Variants in PIK3CD observed in about 807,000 individuals in gnomAD.
PIK3CD encodes phosphatidylinositol-4,5-bisphosphate 3-kinase catalytic subunit delta, also known as phosphatidylinositol 4,5-bisphosphate 3-kinase catalytic subunit delta isoform.
PIK3CD carries 20 observed loss-of-function variants against 122.9 expected under a neutral mutation model. That is an observed-to-expected ratio of 0.16 (90% CI 0.11 to 0.24). PIK3CD has a LOEUF of 0.24. Among genes scored for constraint, PIK3CD ranks in the 10% least tolerant of loss-of-function variants. PIK3CD has a pLI of 1.00. For missense variants in PIK3CD, 787 were observed against 1,406.3 expected, an observed-to-expected ratio of 0.56 and a Z score of 7.04; for synonymous variants, 596 against 593.4, an observed-to-expected ratio of 1.00 and a Z score of -0.06.
rs1177656478 is a variant in PIK3CD at position 9,717,327 on chromosome 1, C to T, written c.931-210C>T. 7.2e-5 allele frequency among the ~76,000 whole-genome samples: 11 copies of T among 152,184 alleles called. No homozygotes were observed. The highest frequency in any genetic ancestry group is 1.0e-4 in the Non-Finnish European group (7 of 68,016). Reference sequence around the variant, plus strand: ...CATGCCTGGCTCACCGGCTGCCCTTCCCCTCTGCAGAGCTCAGGGGTGTTG... The same window carrying T: ...CATGCCTGGCTCACCGGCTGCCCTTTCCCTCTGCAGAGCTCAGGGGTGTTG... On this transcript the variant is annotated intron_variant, in intron 7 of 23. Coordinates refer to ENST00000377346, the MANE Select transcript of PIK3CD (RefSeq NM_005026.5). This position sits in a 1 kb window ranked among gnomAD's most constrained non-coding sequence, Gnocchi z 5.4.
At chr1:9,687,812 ATG>A (rs1646028936) in intron 1 of PIK3CD, among the ~76,000 whole-genome samples, 1 of 152,112 alleles carries the variant, frequency 6.6e-6, no homozygotes, top group Non-Finnish European at 1.5e-5. Context: ...TTTTGAGTGA[ATG>A]TCTGTGTGTG....
At chr1:9,726,170 G>A (rs1036397479) in intron 23 of PIK3CD, among the ~76,000 whole-genome samples, 7 of 152,026 alleles carry the variant, frequency 4.6e-5, no homozygotes, top group Admixed American at 1.3e-4. Context: ...CCTAGATCGC[G>A]CCACTGCACT....
chr1:9,667,605 T>C (rs1645198280), intron 1 of PIK3CD, among the ~76,000 whole-genome samples: 1 of 151,886 alleles, frequency 6.6e-6, no homozygotes, highest in Non-Finnish European at 1.5e-5. Flanking sequence ...CTCCATCTCC[T>C]GAACTCGTGA....
intron 23 of PIK3CD, among the ~76,000 whole-genome samples, chr1:9,725,744 G>T (rs1354290224): frequency 6.6e-6 from 1 of 151,452 alleles, no homozygotes; most frequent in Admixed American, 6.6e-5. Context: ...AGGTGTGGTG[G>T]CACGCACCTG....
intron 2 of PIK3CD, among the ~76,000 whole-genome samples, chr1:9,695,853 A>AAAAGAAAAG (rs1646395549): frequency 6.7e-6 from 1 of 150,248 alleles, no homozygotes; most frequent in African/African-American, 2.5e-5. Context: ...CAAAAAAAAA[A>AAAAGAAAAG]AAAAGAAAAG....
chr1:9,721,200 C>G lies in PIK3CD; in HGVS notation c.1763C>G (p.Pro588Arg). 6.2e-7 allele frequency: 1 copy of G among 1,613,496 alleles called. No homozygotes were observed. Among genetic ancestry groups the G allele is most frequent in the Non-Finnish European group, 8.5e-7 (1 of 1,179,992 alleles). ...SALELLDFSF[P>R]DCHVGSFAIK... is the part of the protein sequence containing the mutation. The stretch of plus-strand genomic sequence containing the variant: ...CTGGAGCTGCTAGACTTCAGCTTCC[C>G]CGATTGCCACGTAGGCTCCTTCGCC... The change falls in exon 14 of 24, where the codon CCC (proline) becomes CGC (arginine). Residue 588 changes from proline to arginine, a missense_variant. By Grantham distance (103) the Pro-to-Arg change is moderately radical. Transcript: ENST00000377346.
In PIK3CD at chr1:9,655,447, C is replaced by A. The variant is rs1285332112; in HGVS notation, c.-138+3645C>A. 2.0e-4 allele frequency among the ~76,000 whole-genome samples: 8 copies of A among 39,208 alleles called. No homozygotes were observed. In the East Asian group the frequency reaches 0.039, roughly 191 times the overall value. The allele number at this position is 39,208 out of a possible 152,430, so 25.7% of individuals were successfully genotyped here. On this transcript the variant is annotated intron_variant, in intron 1 of 23. Coordinates refer to ENST00000377346, the MANE Select transcript of PIK3CD (RefSeq NM_005026.5). ...AAATAAAAAACCCAGGAACCCCCCG[C>A]CCCCCCCCCTTTTTTATTGCAGCTA... is the stretch of plus-strand genomic sequence containing the variant.
At position 9,723,096 on chromosome 1, in the gene PIK3CD, T is replaced by C; in HGVS notation, c.2427-29T>C. 1.2e-6 allele frequency: 2 copies of C among 1,611,668 alleles called. No individual in the cohort carries two copies. Among genetic ancestry groups the C allele is most frequent in the Admixed American group, 3.3e-5 (2 of 60,016 alleles). ...TCAGGGACAGCCCTTGACCATGCCA[T>C]TTGCCCGTCCCTCTTCCCCCTTGCC... On this transcript the variant is annotated intron_variant, in intron 19 of 23. Coordinates refer to ENST00000377346, the MANE Select transcript of PIK3CD (RefSeq NM_005026.5). The surrounding 1 kb of genome is among the most constrained non-coding windows in gnomAD (Gnocchi z 4.9).
intron 5 of PIK3CD, 129 bp downstream of exon 5, chr1:9,716,207 G>A: frequency 1.1e-6 from 1 of 912,900 alleles, no homozygotes; most frequent in Non-Finnish European, 1.7e-6. Flanking sequence ...CCAGGTGTCT[G>A]TGCATGTGTG....
At chr1:9,685,433 A>G (rs1645929619) in intron 1 of PIK3CD, among the ~76,000 whole-genome samples, 1 of 151,774 alleles carries the variant, frequency 6.6e-6, no homozygotes, top group South Asian at 2.1e-4. Flanking sequence ...ATCTGGGCTC[A>G]CTGAAACCTC....
chr1:9,712,522 C>T (rs1404793051), intron 3 of PIK3CD, among the ~76,000 whole-genome samples: 1 of 152,062 alleles, frequency 6.6e-6, no homozygotes, highest in Non-Finnish European at 1.5e-5. Flanking sequence ...CTCAAGTGAT[C>T]TGCCCACCTT....
chr1:9,644,418 TGAG>T, the PIK3CD span, among the ~76,000 whole-genome samples: 3 of 151,900 alleles, frequency 2.0e-5, no homozygotes, highest in Non-Finnish European at 4.4e-5. Flanking sequence ...CTTGGGAGGC[TGAG>T]GCAGGAGAAT....
intron 1 of PIK3CD, chr1:9,654,300 A>G (rs1050812007): frequency 2.2e-6 from 3 of 1,367,734 alleles, no homozygotes; most frequent in Non-Finnish European, 2.9e-6. Flanking sequence ...CTGCAGCCTC[A>G]GTCCACGCCG....
chr1:9,722,402 G>T lies in PIK3CD; in HGVS notation c.2347+46G>T, dbSNP rs1408080427. The T allele has an allele frequency of 3.8e-6, 6 of 1,567,938 alleles. No homozygotes were observed. The highest frequency in any genetic ancestry group is 1.8e-6 in the Non-Finnish European group (2 of 1,141,164). On this transcript the variant is annotated intron_variant, in intron 18 of 23. Coordinates refer to ENST00000377346, the MANE Select transcript of PIK3CD (RefSeq NM_005026.5). This position sits in a 1 kb window ranked among gnomAD's most constrained non-coding sequence, Gnocchi z 7.6. Reference sequence around the variant, plus strand: ...CACCCCGCCTGTACTGCCCTGGGGGGTCCTGGGGTGCTCCTAGAGTGGGGG... The same window carrying T: ...CACCCCGCCTGTACTGCCCTGGGGGTTCCTGGGGTGCTCCTAGAGTGGGGG...
At chr1:9,712,590 G>A (rs1342889625) in intron 3 of PIK3CD, among the ~76,000 whole-genome samples, 1 of 152,124 alleles carries the variant, frequency 6.6e-6, no homozygotes, top group Non-Finnish European at 1.5e-5. Context: ...CCTTATCCCA[G>A]AATTTTAAAA....
chr1:9,709,679 G>T (rs1646973894), intron 2 of PIK3CD, among the ~76,000 whole-genome samples: 1 of 151,748 alleles, frequency 6.6e-6, no homozygotes, highest in South Asian at 2.1e-4. Context: ...ACTCCAGCTG[G>T]GGCAACAGAG....
the PIK3CD span, among the ~76,000 whole-genome samples, chr1:9,640,032 G>A: frequency 1.3e-4 from 20 of 151,736 alleles, no homozygotes; most frequent in Middle Eastern, 3.4e-3. Context: ...GGGAGCCACC[G>A]TGCCCGACCT....
intron 1 of PIK3CD, among the ~76,000 whole-genome samples, chr1:9,677,880 G>C (rs1454300709): frequency 6.6e-6 from 1 of 151,976 alleles, no homozygotes; most frequent in Non-Finnish European, 1.5e-5. Context: ...GCCGGGCGTG[G>C]TGGCTCATGC....
rs1238183158 is a variant in PIK3CD, at chr1:9,717,554, G to T, written c.948G>T (p.Leu316=). Reference sequence around the variant, plus strand: ...GCCCCCAGCCTTCCTCTGTGTCCCTGTGGTCCCTGGAGCAGCCGTTCCGCA... The same window carrying T: ...GCCCCCAGCCTTCCTCTGTGTCCCTTTGGTCCCTGGAGCAGCCGTTCCGCA... ...IPAKKPSSVS[L]WSLEQPFRIE... The change falls in exon 8 of 24, where the codon CTG becomes CTT. Residue 316 remains leucine (L), a synonymous_variant. Transcript: ENST00000377346. This position sits in a 1 kb window ranked among gnomAD's most constrained non-coding sequence, Gnocchi z 5.4. The T allele has an allele frequency of 6.2e-7, 1 of 1,613,974 alleles. No individual in the cohort carries two copies. Among genetic ancestry groups the T allele is most frequent in the East Asian group, 2.2e-5 (1 of 44,902 alleles).
Sources: gnomAD v4.1 joint callset for allele counts (sites outside exome capture counted in the v4.1 genomes callset) on GRCh38, gnomAD v4.1.1 for gene constraint, Gnocchi (gnomAD v3.1) non-coding constraint, MANE v1.5 for transcripts, NCBI Gene and HGNC (gene_info 2026-07-23, HGNC 2026-07-21) for gene names.